TMEM232: variants seen among roughly 807,000 people sequenced by gnomAD.
TMEM232 encodes the protein transmembrane protein 232.
TMEM232 carries 80 observed loss-of-function variants against 78.8 expected under a neutral mutation model. The observed-to-expected ratio is 1.01, with a 90% confidence interval of 0.85 to 1.22. The LOEUF is 1.22. Among genes scored for constraint, TMEM232 ranks in the 50% most tolerant of loss-of-function variants. TMEM232 has a pLI of 0.00. For synonymous variants in TMEM232, 297 were observed against 254.3 expected, an observed-to-expected ratio of 1.17 and a Z score of -1.60; for missense variants, 881 against 742.2, an observed-to-expected ratio of 1.19 and a Z score of -2.17.
intron 11 of TMEM232, among the ~76,000 whole-genome samples, chr5:110,532,280 CCTTCCCAGAT>C (rs1232887012): frequency 2.6e-5 from 4 of 151,972 alleles, no homozygotes; most frequent in Admixed American, 6.6e-5. Flanking sequence ...CTGACTGACT[CCTTCCCAGAT>C]CTTCTCGGCT....
intron 10 of TMEM232, among the ~76,000 whole-genome samples, chr5:110,573,040 T>C (rs748727052): frequency 6.6e-6 from 1 of 152,048 alleles, no homozygotes; most frequent in Non-Finnish European, 1.5e-5. Flanking sequence ...TGTCTGTGTC[T>C]GCAGCTAAGC....
intron 12 of TMEM232, among the ~76,000 whole-genome samples, chr5:110,479,980 C>T (rs1763688172): frequency 2.0e-5 from 3 of 150,814 alleles, no homozygotes; most frequent in Admixed American, 1.3e-4. Context: ...ATTTTTTTTC[C>T]TCCTGTAAAT....
intron 6 of TMEM232, among the ~76,000 whole-genome samples, chr5:110,626,128 T>C (rs1005083354): frequency 2.0e-5 from 3 of 152,006 alleles, no homozygotes; most frequent in African/African-American, 7.2e-5. Flanking sequence ...CCTAAGGCTC[T>C]ATTATATTTG....
At chr5:110,634,097 G>A (rs542465129) in intron 5 of TMEM232, among the ~76,000 whole-genome samples, 49 of 151,914 alleles carry the variant, frequency 3.2e-4, no homozygotes, top group African/African-American at 1.1e-3. Flanking sequence ...TTTAAAAAAA[G>A]GCAAGAACAT....
chr5:110,449,362 C>T (rs1760012871), intron 12 of TMEM232, among the ~76,000 whole-genome samples: 3 of 151,374 alleles, frequency 2.0e-5, no homozygotes, highest in African/African-American at 4.8e-5. Flanking sequence ...CATAACGATT[C>T]GGAAAGAAAA....
chr5:110,423,945 A>G (rs1281706311), intron 13 of TMEM232, among the ~76,000 whole-genome samples: 1 of 152,104 alleles, frequency 6.6e-6, no homozygotes, highest in Admixed American at 6.5e-5. Flanking sequence ...GATGACCTGT[A>G]CATATATTGG....
At chr5:110,693,296 C>T (rs1024922662) in intron 1 of TMEM232, among the ~76,000 whole-genome samples, 22 of 152,144 alleles carry the variant, frequency 1.4e-4, no homozygotes, top group Non-Finnish European at 2.4e-4. Context: ...CACCAAAAAC[C>T]CATCTGTACG....
chr5:110,455,817 T>A (rs963345781), intron 12 of TMEM232, among the ~76,000 whole-genome samples: 1 of 152,182 alleles, frequency 6.6e-6, no homozygotes, highest in Non-Finnish European at 1.5e-5. Flanking sequence ...AAATCAATCA[T>A]AATTAACCAC....
chr5:110,488,591 A>AAACAT (rs375981915), intron 12 of TMEM232, among the ~76,000 whole-genome samples: 16 of 152,224 alleles, frequency 1.1e-4, no homozygotes, highest in African/African-American at 3.6e-4. Context: ...CCTTGGAAGA[A>AAACAT]AACATAACAA....
intron 1 of TMEM232, among the ~76,000 whole-genome samples, chr5:110,693,251 T>G (rs1388979406): frequency 1.3e-5 from 2 of 152,128 alleles, no homozygotes; most frequent in African/African-American, 4.8e-5. Flanking sequence ...GTACTGACTG[T>G]TAGAAGGAAA....
intron 12 of TMEM232, among the ~76,000 whole-genome samples, chr5:110,523,165 C>T (rs1035446565): frequency 6.6e-6 from 1 of 152,066 alleles, no homozygotes; most frequent in African/African-American, 2.4e-5. Flanking sequence ...GTATCCATTT[C>T]TTCTGGGTTT....
At position 110,441,099 on chromosome 5, in the gene TMEM232, CAA is replaced by C. The variant is rs1324026836; in HGVS notation, c.1704-16185_1704-16184del. 4.6e-5 allele frequency among the ~76,000 whole-genome samples: 7 copies of C among 152,098 alleles called. No individual in the cohort carries two copies. In the East Asian group the frequency reaches 1.4e-3, roughly 29 times the overall value. ...TGTCACTTCTGTTCATGGTTCTTGC[CAA>C]AAAATGCAAGTCTCTGGATCCAGGG... On this transcript the variant is annotated intron_variant, in intron 12 of 13. Transcript: ENST00000455884.
chr5:110,615,345 T>C lies in TMEM232; in HGVS notation c.902+3084A>G, dbSNP rs185062845. Among the ~76,000 whole-genome samples, 240 of 152,112 alleles carry C rather than the reference T, an allele frequency of 1.6e-3. 2 individuals are homozygous for C. Among genetic ancestry groups the C allele is most frequent in the African/African-American group, 5.6e-3 (232 of 41,568 alleles). ...CAGCAACTAATTAAATAAATATATGTGGCAATTGCATTTTCAACTTGTTAT... is the reference window on the plus strand; with the variant it reads ...CAGCAACTAATTAAATAAATATATGCGGCAATTGCATTTTCAACTTGTTAT... On this transcript the variant is annotated intron_variant, in intron 8 of 13. Transcript: ENST00000455884.
downstream of TMEM232, among the ~76,000 whole-genome samples, chr5:110,417,108 C>A (rs1038738019): frequency 6.6e-5 from 10 of 152,020 alleles, no homozygotes; most frequent in African/African-American, 2.2e-4. Context: ...ACTTATGAAA[C>A]CCATAATAAA....
chr5:110,546,518 C>G (rs565415186), intron 11 of TMEM232, among the ~76,000 whole-genome samples: 1 of 151,980 alleles, frequency 6.6e-6, no homozygotes, highest in African/African-American at 2.4e-5. Flanking sequence ...ATGTTTCACT[C>G]TATGTAGGTA....
chr5:110,495,757 A>T (rs1439582973), intron 12 of TMEM232, among the ~76,000 whole-genome samples: 1 of 151,852 alleles, frequency 6.6e-6, no homozygotes, highest in African/African-American at 2.4e-5. Context: ...GAATGTCATT[A>T]ACTTAATGTC....
At chr5:110,490,238 G>A (rs745729449) in intron 12 of TMEM232, among the ~76,000 whole-genome samples, 1 of 152,116 alleles carries the variant, frequency 6.6e-6, no homozygotes, top group Non-Finnish European at 1.5e-5. Context: ...TCAATGAACA[G>A]TATGACAAAG....
intron 12 of TMEM232, among the ~76,000 whole-genome samples, chr5:110,456,709 A>G (rs1233013552): frequency 6.6e-6 from 1 of 152,152 alleles, no homozygotes; most frequent in Admixed American, 6.5e-5. Context: ...GATTTGAGAA[A>G]CATACCTGCA....
At chr5:110,537,953 A>G (rs1404361122) in intron 11 of TMEM232, among the ~76,000 whole-genome samples, 1 of 152,210 alleles carries the variant, frequency 6.6e-6, no homozygotes, top group Non-Finnish European at 1.5e-5. Flanking sequence ...ATGGGGAAGC[A>G]GATGATTTAT....
Sources: gnomAD v4.1 joint callset for allele counts (sites outside exome capture counted in the v4.1 genomes callset) on GRCh38, gnomAD v4.1.1 for gene constraint, MANE v1.5 for transcripts, NCBI Gene and HGNC (gene_info 2026-07-23, HGNC 2026-07-21) for gene names.